Variants in LHX6 observed in about 807,000 individuals in gnomAD.
LHX6 encodes the protein LIM homeobox 6, also known as LIM/homeobox protein Lhx6.
LHX6 carries 15 observed loss-of-function variants against 47.1 expected under a neutral mutation model. The ratio of observed to expected loss-of-function variants is 0.32; its 90% CI spans 0.21 to 0.49. The LOEUF (loss-of-function observed/expected upper bound fraction) is 0.49, where lower values mean the gene tolerates loss of function less well. Among genes scored for constraint, LHX6 ranks in the 20% least tolerant of loss-of-function variants. The pLI, the probability that LHX6 is intolerant of heterozygous loss-of-function variation, is 0.99. For synonymous variants in LHX6, 242 were observed against 233.5 expected (o/e 1.04, Z -0.33); for missense variants, 404 against 539.6 (o/e 0.75, Z 2.49).
intron 1 of LHX6, chr9:122,228,373 C>T: frequency 6.6e-7 from 1 of 1,525,152 alleles, no homozygotes; most frequent in Non-Finnish European, 8.7e-7. Context: ...CTATCAGCGC[C>T]TATTCAGACG....
At position 122,226,837 on chromosome 9, in the gene LHX6, C is replaced by G. The variant is rs969704797; in HGVS notation, c.339+11G>C. 6.4e-7 allele frequency: 1 copy of G among 1,559,480 alleles called. No individual in the cohort carries two copies. The highest frequency in any genetic ancestry group is 8.7e-7 in the Non-Finnish European group (1 of 1,152,032). On this transcript the variant is annotated intron_variant, in intron 3 of 9. Coordinates refer to ENST00000394319, the MANE Select transcript of LHX6 (RefSeq NM_014368.5). The surrounding 1 kb of genome is among the most constrained non-coding windows in gnomAD (Gnocchi z 6.5). ...CCGACAACACGCACGCAACACCTACCCCTGTCTCACCTTGAGCAGATATCG... is the reference window on the plus strand; with the variant it reads ...CCGACAACACGCACGCAACACCTACGCCTGTCTCACCTTGAGCAGATATCG...
intron 5 of LHX6, among the ~76,000 whole-genome samples, chr9:122,215,803 C>T (rs996654560): frequency 2.2e-4 from 34 of 152,146 alleles, no homozygotes; most frequent in African/African-American, 9.7e-5. Context: ...AACACTCTTG[C>T]GGTCCCTGAC....
chr9:122,207,750 C>T (rs1480727938), intron 9 of LHX6, among the ~76,000 whole-genome samples: 1 of 152,122 alleles, frequency 6.6e-6, no homozygotes, highest in Admixed American at 6.5e-5. Flanking sequence ...TGAGCTCAAT[C>T]AGGAGGCTGA....
chr9:122,208,519 A>T (rs1830272532), intron 9 of LHX6, among the ~76,000 whole-genome samples: 1 of 152,052 alleles, frequency 6.6e-6, no homozygotes. Flanking sequence ...CTCCAAATAA[A>T]CAAGTCAGTG....
Position 122,213,558 on chromosome 9 carries a change from C to T in LHX6, c.1054+48G>A, listed in dbSNP as rs753014963. On this transcript the variant is annotated intron_variant, in intron 8 of 9. Transcript: ENST00000394319. This position sits in a 1 kb window ranked among gnomAD's most constrained non-coding sequence, Gnocchi z 5.5. ...TCAGCCGCCCACGTGCGCTCCTCCG[C>T]GCCCCCTCCCCGCAGGCCCAGCGGC... The T allele has an allele frequency of 2.3e-5, 34 of 1,494,290 alleles. No homozygotes were observed. In the African/African-American group the frequency reaches 4.4e-4, roughly 20 times the overall value. 92.6% of individuals were successfully genotyped at this position (1,494,290 alleles called of 1,614,324 possible).
rs1174183104 is a variant in LHX6, at chr9:122,217,550, T to A, written c.462-262A>T. Reference sequence around the variant, plus strand: ...TGGTCACTTATATTTGCATATTAATTTGTTTGTTAAAAATACATCACAAGT... The same window carrying A: ...TGGTCACTTATATTTGCATATTAATATGTTTGTTAAAAATACATCACAAGT... On this transcript the variant is annotated intron_variant, in intron 4 of 9. Transcript: ENST00000394319. This position sits in a 1 kb window ranked among gnomAD's most constrained non-coding sequence, Gnocchi z 4.9. Among the ~76,000 whole-genome samples the A allele has an allele frequency of 6.6e-6, 1 of 152,264 alleles. No homozygotes were observed. Among genetic ancestry groups the A allele is most frequent in the Non-Finnish European group, 1.5e-5 (1 of 68,054 alleles).
intron 9 of LHX6, among the ~76,000 whole-genome samples, chr9:122,207,197 A>G (rs1830213787): frequency 6.6e-6 from 1 of 152,110 alleles, no homozygotes; most frequent in East Asian, 1.9e-4. Flanking sequence ...CCATGCTCAC[A>G]TTGTGATTCT....
In LHX6 at chr9:122,226,704, C is replaced by T. The variant is rs574633954; in HGVS notation, c.339+144G>A. 2 of 1,227,206 alleles carry T rather than the reference C, an allele frequency of 1.6e-6. No homozygotes were observed. The highest frequency in any genetic ancestry group is 2.6e-5 in the Admixed American group (1 of 37,894). The allele number at this position is 1,227,206 out of a possible 1,614,324, so 76.0% of individuals were successfully genotyped here. ...GACGGAACCCGGGGGCTCAGGCAGA[C>T]CCTAAGTCTTGCCCAAAGCTTCGCA... On this transcript the variant is annotated intron_variant, in intron 3 of 9. Coordinates refer to ENST00000394319, the MANE Select transcript of LHX6 (RefSeq NM_014368.5). This position sits in a 1 kb window ranked among gnomAD's most constrained non-coding sequence, Gnocchi z 6.5.
At chr9:122,216,917 A>T (rs1588348058) in intron 5 of LHX6, 151 bp downstream of exon 5, 10 of 636,592 alleles carry the variant, frequency 1.6e-5, no homozygotes, top group Non-Finnish European at 2.7e-5. Context: ...GAAGTGCAAG[A>T]TCTGTTCGCC....
intron 9 of LHX6, among the ~76,000 whole-genome samples, chr9:122,205,707 T>C (rs1830150838): frequency 6.6e-6 from 1 of 152,158 alleles, no homozygotes; most frequent in East Asian, 1.9e-4. Flanking sequence ...ATCATGATCA[T>C]AACCAACACC....
chr9:122,209,579 C>T, intron 9 of LHX6, 35 bp downstream of exon 9: 1 of 1,613,464 alleles, frequency 6.2e-7, no homozygotes, highest in Non-Finnish European at 8.5e-7. Context: ...AGCAGGGTGG[C>T]TCTGACCCAC....
At chr9:122,219,904 G>A (rs1399716129) in intron 4 of LHX6, among the ~76,000 whole-genome samples, 2 of 152,222 alleles carry the variant, frequency 1.3e-5, no homozygotes, top group Non-Finnish European at 2.9e-5. Context: ...TCTCCGGGCC[G>A]CTGATTCTGG....
In LHX6 at chr9:122,214,219, A is replaced by G; in HGVS notation, c.783+64T>C. 2.5e-6 allele frequency: 3 copies of G among 1,208,424 alleles called. No individual in the cohort carries two copies. The highest frequency in any genetic ancestry group is 3.3e-6 in the Non-Finnish European group (3 of 901,968). The allele number at this position is 1,208,424 out of a possible 1,614,324, so 74.9% of individuals were successfully genotyped here. A position where few individuals can be genotyped will look rare whatever the true frequency, so the allele number is the denominator to read the frequency against. On this transcript the variant is annotated intron_variant, in intron 6 of 9. Transcript: ENST00000394319. This position sits in a 1 kb window ranked among gnomAD's most constrained non-coding sequence, Gnocchi z 4.6. ...GGCCCGAGGGGCGGAGCCAGGAGAC[A>G]TTGTCGGCCCCGCCCACTTTCGGCC...
chr9:122,227,558 C>T (rs866091673), intron 1 of LHX6, 78 bp from the exon 2 acceptor site: 2 of 1,442,776 alleles, frequency 1.4e-6, no homozygotes, highest in Non-Finnish European at 1.8e-6. Context: ...AGCGCCTCCC[C>T]GCGCCTGTTA....
rs776753440 is a variant in LHX6 at position 122,213,676 on chromosome 9, G to C, written c.984C>G (p.Asp328Glu). 4.5e-5 allele frequency: 72 copies of C among 1,612,398 alleles called. No homozygotes were observed. The highest frequency in any genetic ancestry group is 1.6e-4 in the Middle Eastern group (1 of 6,064). The change falls in exon 8 of 10, where the codon GAC (aspartate) becomes GAG (glutamate). Residue 328 changes from aspartate (D) to glutamate (E), a missense_variant. Around this residue, in one of 7 missense-constraint regions of LHX6, gnomAD observed 127 missense variants for 116.1 expected, o/e 1.09. Coordinates refer to ENST00000394319, the MANE Select transcript of LHX6 (RefSeq NM_014368.5). The surrounding 1 kb of genome is among the most constrained non-coding windows in gnomAD (Gnocchi z 5.5). ...TGCTGAACGGGGTGTAGTGGATGTCGTCGGACAGGGCGGAGGGAAGGCGGG... is the reference window on the plus strand; with the variant it reads ...TGCTGAACGGGGTGTAGTGGATGTCCTCGGACAGGGCGGAGGGAAGGCGGG... ...PPSRLPSALSDDIHYTPFSSP... is the reference protein window; with the variant it reads ...PPSRLPSALSEDIHYTPFSSP...
intron 4 of LHX6, chr9:122,221,481 G>A: frequency 2.0e-6 from 2 of 985,584 alleles, no homozygotes; most frequent in Non-Finnish European, 2.4e-6. Context: ...CAAGGCGGAG[G>A]GCCAGAGAAG....
intron 5 of LHX6, among the ~76,000 whole-genome samples, chr9:122,216,186 G>T (rs1830589002): frequency 1.3e-5 from 2 of 152,216 alleles, no homozygotes; most frequent in South Asian, 4.2e-4. Flanking sequence ...TACTTCCTAG[G>T]GCTGTTGTAA....
chr9:122,223,029 CG>C, intron 4 of LHX6, among the ~76,000 whole-genome samples: 1 of 152,244 alleles, frequency 6.6e-6, no homozygotes, highest in East Asian at 1.9e-4. Flanking sequence ...CTGCCTCCCA[CG>C]CCACCATTCA....
chr9:122,214,503 A>C lies in LHX6; in HGVS notation c.683-120T>G. 2.3e-6 allele frequency: 3 copies of C among 1,325,120 alleles called. No homozygotes were observed. The South Asian group carries it at 5.0e-5, about 22-fold the overall frequency. The allele number at this position is 1,325,120 out of a possible 1,614,324, so 82.1% of individuals were successfully genotyped here. ...TCAGGAGCGGGAGTTGGCTGGGAGCAGGGATCCCAGGGTCCTAGTCCCTGA... is the reference window on the plus strand; with the variant it reads ...TCAGGAGCGGGAGTTGGCTGGGAGCCGGGATCCCAGGGTCCTAGTCCCTGA... On this transcript the variant is annotated intron_variant, in intron 5 of 9. Transcript: ENST00000394319. This position sits in a 1 kb window ranked among gnomAD's most constrained non-coding sequence, Gnocchi z 4.6.
Sources: gnomAD v4.1 joint callset for allele counts (sites outside exome capture counted in the v4.1 genomes callset) on GRCh38, gnomAD v4.1.1 for gene constraint, gnomAD v4.1.1 regional missense constraint, Gnocchi (gnomAD v3.1) non-coding constraint, MANE v1.5 for transcripts, NCBI Gene and HGNC (gene_info 2026-07-23, HGNC 2026-07-21) for gene names.